KDM4C: variants seen among roughly 807,000 people sequenced by gnomAD.
KDM4C encodes the protein lysine-specific demethylase 4C.
KDM4C carries 81 observed loss-of-function variants against 129.3 expected under a neutral mutation model. The observed-to-expected ratio is 0.63, with a 90% confidence interval of 0.52 to 0.75. The LOEUF is 0.75. KDM4C is among the 30% of genes least tolerant of loss of function. KDM4C has a pLI of 0.00. For missense variants in KDM4C, 1,457 were observed against 1,304.0 expected (o/e 1.12, Z -1.81); for synonymous variants, 573 against 456.1 (o/e 1.26, Z -3.26).
intron 15 of KDM4C, among the ~76,000 whole-genome samples, chr9:7,032,340 T>G (rs561514074): frequency 2.6e-5 from 4 of 152,334 alleles, no homozygotes; most frequent in African/African-American, 9.6e-5. Context: ...AGGATTATGT[T>G]ACTTTTATTC....
intron 6 of KDM4C, among the ~76,000 whole-genome samples, chr9:6,882,805 T>TGTGCAC (rs66830716): frequency 1.3e-5 from 2 of 149,262 alleles, no homozygotes; most frequent in South Asian, 4.2e-4. Flanking sequence ...TGTGTGTGTG[T>TGTGCAC]GCGCGTGTGC....
intron 19 of KDM4C, among the ~76,000 whole-genome samples, chr9:7,162,131 G>A (rs1430206235): frequency 2.0e-5 from 3 of 152,180 alleles, no homozygotes; most frequent in East Asian, 3.8e-4. Flanking sequence ...GAGCTGTTAT[G>A]GATGAGAATC....
At chr9:6,874,972 C>T (rs1843334613) in intron 5 of KDM4C, among the ~76,000 whole-genome samples, 1 of 150,764 alleles carries the variant, frequency 6.6e-6, no homozygotes, top group African/African-American at 2.4e-5. Flanking sequence ...TCCTGGGAGA[C>T]ATTTAGGTCT....
At chr9:7,024,868 C>G (rs1328236882) in intron 15 of KDM4C, among the ~76,000 whole-genome samples, 1 of 152,146 alleles carries the variant, frequency 6.6e-6, no homozygotes, top group Non-Finnish European at 1.5e-5. Flanking sequence ...ATGGCTGGGT[C>G]AAATGGTATT....
chr9:6,825,106 A>G (rs1833672540), intron 4 of KDM4C, among the ~76,000 whole-genome samples: 1 of 147,544 alleles, frequency 6.8e-6, no homozygotes, highest in Non-Finnish European at 1.5e-5. Flanking sequence ...AGATAGTGCC[A>G]TTGCACTCCA....
intron 4 of KDM4C, among the ~76,000 whole-genome samples, chr9:6,818,709 A>G (rs1832546082): frequency 6.6e-6 from 1 of 152,178 alleles, no homozygotes; most frequent in African/African-American, 2.4e-5. Context: ...TGGGTGAGGC[A>G]GCTTAAGTAC....
intron 1 of KDM4C, among the ~76,000 whole-genome samples, chr9:6,761,881 G>T (rs1039834005): frequency 6.6e-6 from 1 of 151,780 alleles, no homozygotes; most frequent in Non-Finnish European, 1.5e-5. Context: ...GCATGATCTC[G>T]GCTCACTGCA....
intron 6 of KDM4C, among the ~76,000 whole-genome samples, chr9:6,881,567 G>C (rs188682004): frequency 1.3e-5 from 2 of 152,110 alleles, no homozygotes; most frequent in Non-Finnish European, 2.9e-5. Context: ...AAATGAAGCC[G>C]ATGTAAACCT....
chr9:6,907,075 G>A (rs755943173), intron 8 of KDM4C, among the ~76,000 whole-genome samples: 7 of 152,104 alleles, frequency 4.6e-5, no homozygotes, highest in Admixed American at 1.3e-4. Flanking sequence ...AGCATTAAAG[G>A]ATTGACTCAA....
At chr9:6,826,124 T>G (rs1253946494) in intron 4 of KDM4C, among the ~76,000 whole-genome samples, 1 of 152,096 alleles carries the variant, frequency 6.6e-6, no homozygotes, top group Admixed American at 6.6e-5. Context: ...GTGGAGAATC[T>G]TAATACAAAA....
chr9:6,955,422 G>A (rs559236560), intron 8 of KDM4C, among the ~76,000 whole-genome samples: 3 of 152,274 alleles, frequency 2.0e-5, no homozygotes, highest in East Asian at 3.9e-4. Context: ...GCAGTGCAGT[G>A]GACCATGACT....
At chr9:6,738,305 C>A (rs187224068) in intron 1 of KDM4C, among the ~76,000 whole-genome samples, 28 of 152,126 alleles carry the variant, frequency 1.8e-4, no homozygotes, top group Admixed American at 1.6e-3. Flanking sequence ...GGAGAAACCC[C>A]GTCTCTACTA....
intron 16 of KDM4C, among the ~76,000 whole-genome samples, chr9:7,048,363 G>T (rs891832581): frequency 2.0e-5 from 3 of 151,998 alleles, no homozygotes; most frequent in Non-Finnish European, 4.4e-5. Context: ...ATATGCTTTG[G>T]CTTAAAAATA....
intron 18 of KDM4C, among the ~76,000 whole-genome samples, chr9:7,126,759 A>G (rs750919075): frequency 3.3e-5 from 5 of 152,126 alleles, no homozygotes; most frequent in Non-Finnish European, 7.4e-5. Context: ...CTGCCCCTCT[A>G]AACTGAACCA....
intron 19 of KDM4C, among the ~76,000 whole-genome samples, chr9:7,131,232 T>C (rs889419897): frequency 6.6e-6 from 1 of 152,184 alleles, no homozygotes; most frequent in African/African-American, 2.4e-5. Flanking sequence ...AATAATTCAA[T>C]CGTGTTGTGT....
At chr9:6,949,659 C>G (rs56722061) in intron 8 of KDM4C, among the ~76,000 whole-genome samples, 1 of 152,068 alleles carries the variant, frequency 6.6e-6, no homozygotes, top group African/African-American at 2.4e-5. Context: ...GCCAACACAG[C>G]GAAACCCCGT....
At chr9:6,773,160 T>A (rs778938000) in intron 1 of KDM4C, among the ~76,000 whole-genome samples, 1 of 151,964 alleles carries the variant, frequency 6.6e-6, no homozygotes, top group Non-Finnish European at 1.5e-5. Flanking sequence ...CTACTACACC[T>A]GGCTAATTTT....
upstream of KDM4C, among the ~76,000 whole-genome samples, chr9:6,753,820 ATAAAGG>A (rs1251230572): frequency 6.6e-6 from 1 of 151,332 alleles, no homozygotes; most frequent in South Asian, 2.1e-4. Context: ...TACATATTTG[ATAAAGG>A]TAAAGGTAAA....
intron 8 of KDM4C, among the ~76,000 whole-genome samples, chr9:6,947,640 T>A (rs1827220179): frequency 6.6e-6 from 1 of 152,194 alleles, no homozygotes; most frequent in South Asian, 2.1e-4. Flanking sequence ...TTAGTTTTCC[T>A]CTAGGTCCTT....
Sources: allele counts gnomAD v4.1 joint callset (sites outside exome capture counted in the v4.1 genomes callset), GRCh38; gene constraint gnomAD v4.1.1; transcripts MANE v1.5; gene names NCBI Gene and HGNC (gene_info 2026-07-23, HGNC 2026-07-21).